Variants in CHST9 observed in about 807,000 individuals in gnomAD.
CHST9 encodes the protein carbohydrate sulfotransferase 9.
In CHST9, 41 loss-of-function variants were observed where a neutral mutation model predicts 44.4. The ratio of observed to expected loss-of-function variants is 0.92; its 90% CI spans 0.72 to 1.20. The LOEUF (loss-of-function observed/expected upper bound fraction) is 1.20. Among genes scored for constraint, CHST9 ranks in the 50% most tolerant of loss-of-function variants. The pLI is 0.00. For missense variants in CHST9, 504 were observed against 516.5 expected (o/e 0.98, Z 0.23); for synonymous variants, 171 against 178.4 (o/e 0.96, Z 0.33).
intron 1 of CHST9, among the ~76,000 whole-genome samples, chr18:27,172,185 G>T (rs2058838528): frequency 6.6e-6 from 1 of 152,070 alleles, no homozygotes; most frequent in Admixed American, 6.6e-5. Flanking sequence ...TACACAAATT[G>T]CTTACATAGC....
intron 4 of CHST9, among the ~76,000 whole-genome samples, chr18:26,998,742 A>C (rs898591702): frequency 9.3e-5 from 14 of 150,102 alleles, no homozygotes; most frequent in East Asian, 3.9e-4. Context: ...ACAACAACAA[A>C]AAAAAAAAAA....
rs569347636 is a variant in CHST9, at chr18:27,084,573, A to G, written c.122-36070T>C. Among the ~76,000 whole-genome samples the G allele has an allele frequency of 9.3e-5, 14 of 150,788 alleles. No homozygotes were observed. The East Asian group carries it at 2.3e-3, about 25-fold the overall frequency. On this transcript the variant is annotated intron_variant, in intron 2 of 5. Transcript: ENST00000618847. ...TATCAGTCTAGTTAGTGATCTACCA[A>G]TCTTATCTATTCTTTCAAAAAAACA...
At chr18:27,070,231 T>A (rs937972376) in intron 2 of CHST9, among the ~76,000 whole-genome samples, 13 of 152,208 alleles carry the variant, frequency 8.5e-5, no homozygotes, top group African/African-American at 1.9e-4. Context: ...GCATCTAATA[T>A]AATGCACTGG....
At chr18:27,123,412 G>A (rs2058392310) in intron 2 of CHST9, among the ~76,000 whole-genome samples, 1 of 152,052 alleles carries the variant, frequency 6.6e-6, no homozygotes, top group African/African-American at 2.4e-5. Flanking sequence ...AGGCCATTGT[G>A]TTCAATAATA....
rs1026438704 is a variant in CHST9 at position 26,909,004 on chromosome 18, T to C, written c.*7255A>G. 2 of 152,224 alleles carry C rather than the reference T, an allele frequency of 1.3e-5. No individual in the cohort carries two copies. The highest frequency in any genetic ancestry group is 2.9e-5 in the Non-Finnish European group (2 of 68,046). 9.4% of individuals were successfully genotyped at this position (152,224 alleles called of 1,614,324 possible). A position where few individuals can be genotyped will look rare whatever the true frequency, so the allele number is the denominator to read the frequency against. On this transcript the variant is annotated 3_prime_UTR_variant, in exon 6 of 6. Coordinates refer to ENST00000618847, the MANE Select transcript of CHST9 (RefSeq NM_031422.6). ...TGCCAAAATTGCCTTCAGTACACAT[T>C]TGTCTTTTATATTTCAAACAGAGGA...
At chr18:27,129,695 G>A (rs185090659) in intron 2 of CHST9, among the ~76,000 whole-genome samples, 38 of 152,154 alleles carry the variant, frequency 2.5e-4, no homozygotes, top group African/African-American at 8.7e-4. Flanking sequence ...ATGACCCTTG[G>A]TTTATTCTTG....
intron 5 of CHST9, among the ~76,000 whole-genome samples, chr18:26,918,149 T>G (rs1373156718): frequency 6.6e-6 from 1 of 152,082 alleles, no homozygotes; most frequent in African/African-American, 2.4e-5. Flanking sequence ...CCTACAACTC[T>G]CACAGTAAAA....
chr18:26,969,741 G>C (rs999070435), intron 4 of CHST9, among the ~76,000 whole-genome samples: 4 of 152,174 alleles, frequency 2.6e-5, no homozygotes, highest in African/African-American at 9.7e-5. Context: ...AGGGAGGAGG[G>C]AGGTATTTTA....
At chr18:26,982,891 G>A (rs548893751) in intron 4 of CHST9, among the ~76,000 whole-genome samples, 4 of 152,204 alleles carry the variant, frequency 2.6e-5, no homozygotes, top group Non-Finnish European at 4.4e-5. Flanking sequence ...GGAATTCAAC[G>A]GCCCTTGCCT....
chr18:26,975,049 G>C lies in CHST9; in HGVS notation c.203-30683C>G, dbSNP rs1417923655. Reference sequence around the variant, plus strand: ...TCTAGGCACCTTGCTCCAGGCCAGAGAGCTGTTACGCGGCAGAGCTGCAAG... The same window carrying C: ...TCTAGGCACCTTGCTCCAGGCCAGACAGCTGTTACGCGGCAGAGCTGCAAG... On this transcript the variant is annotated intron_variant, in intron 4 of 5. Transcript: ENST00000618847. 2.6e-5 allele frequency among the ~76,000 whole-genome samples: 4 copies of C among 152,206 alleles called. No homozygotes were observed. The East Asian group carries it at 7.7e-4, about 29-fold the overall frequency.
intron 4 of CHST9, among the ~76,000 whole-genome samples, chr18:26,954,969 C>T (rs2056301732): frequency 1.3e-5 from 2 of 151,970 alleles, no homozygotes; most frequent in South Asian, 4.1e-4. Context: ...ATATATTGAT[C>T]TCAGTGGGTG....
chr18:26,964,758 G>C (rs2056443763), intron 4 of CHST9, among the ~76,000 whole-genome samples: 1 of 152,156 alleles, frequency 6.6e-6, no homozygotes, highest in African/African-American at 2.4e-5. Context: ...CACTTTCTTG[G>C]AGAAGGAGGA....
At chr18:27,053,021 T>C (rs1205564189) in intron 2 of CHST9, among the ~76,000 whole-genome samples, 1 of 151,270 alleles carries the variant, frequency 6.6e-6, no homozygotes, top group Non-Finnish European at 1.5e-5. Context: ...CAAACCATCA[T>C]GGCACAGGTA....
chr18:27,154,571 C>G (rs1464535419), intron 1 of CHST9, among the ~76,000 whole-genome samples: 2 of 152,024 alleles, frequency 1.3e-5, no homozygotes, highest in African/African-American at 2.4e-5. Flanking sequence ...GCATTCAAGT[C>G]AACAGATTAG....
At chr18:27,103,492 T>G (rs1473503703) in intron 2 of CHST9, among the ~76,000 whole-genome samples, 1 of 152,118 alleles carries the variant, frequency 6.6e-6, no homozygotes, top group Non-Finnish European at 1.5e-5. Flanking sequence ...TGAATGAAAA[T>G]CTACTCTAAG....
At chr18:27,166,880 G>A (rs28375209) in intron 1 of CHST9, among the ~76,000 whole-genome samples, 62,425 of 151,994 alleles carry the variant, frequency 0.41, 13,234 homozygotes, top group East Asian at 0.62. Flanking sequence ...ATGAAGACCC[G>A]AAGATGCAGT....
At chr18:26,929,864 G>A (rs2145083104) in intron 5 of CHST9, among the ~76,000 whole-genome samples, 1 of 152,260 alleles carries the variant, frequency 6.6e-6, no homozygotes, top group South Asian at 2.1e-4. Flanking sequence ...TATGACGTAA[G>A]TGACACTCCT....
At chr18:26,995,005 G>A (rs1160173392) in intron 4 of CHST9, among the ~76,000 whole-genome samples, 1 of 152,102 alleles carries the variant, frequency 6.6e-6, no homozygotes, top group Non-Finnish European at 1.5e-5. Context: ...CTCTTTGAGT[G>A]CTCACTTCTG....
chr18:27,106,812 T>A (rs1167837076), intron 2 of CHST9, among the ~76,000 whole-genome samples: 2 of 152,212 alleles, frequency 1.3e-5, no homozygotes, highest in African/African-American at 4.8e-5. Flanking sequence ...AGTTGGCAAG[T>A]TAATCTACCT....
Sources: gnomAD v4.1 joint callset for allele counts (sites outside exome capture counted in the v4.1 genomes callset) on GRCh38, gnomAD v4.1.1 for gene constraint, MANE v1.5 for transcripts, NCBI Gene and HGNC (gene_info 2026-07-23, HGNC 2026-07-21) for gene names.